Variants in KHDRBS1 observed in about 807,000 individuals in gnomAD.
KHDRBS1 encodes KH RNA binding domain containing, signal transduction associated 1.
In KHDRBS1, 7 loss-of-function variants were observed where a neutral mutation model predicts 48.4. The observed-to-expected ratio is 0.14, with a 90% CI of 0.08 to 0.27. The LOEUF is 0.27. KHDRBS1 is among the 10% of genes least tolerant of loss of function. KHDRBS1 has a pLI of 1.00. For synonymous variants in KHDRBS1, 241 were observed against 235.8 expected (o/e 1.02, Z -0.20); for missense variants, 458 against 601.2 (o/e 0.76, Z 2.49).
At chr1:32,028,899 C>T (rs968199496) in intron 1 of KHDRBS1, among the ~76,000 whole-genome samples, 2 of 151,840 alleles carry the variant, frequency 1.3e-5, no homozygotes, top group Non-Finnish European at 2.9e-5. Flanking sequence ...ATTAGAACTC[C>T]TGTTATAGTA....
chr1:32,049,202 C>A (rs1323009086), intron 10 of KHDRBS1, among the ~76,000 whole-genome samples: 2 of 151,930 alleles, frequency 1.3e-5, no homozygotes, highest in Non-Finnish European at 2.9e-5. Context: ...ATTATAGGCA[C>A]GCGCCTCCAT....
chr1:32,013,918 C>G lies in KHDRBS1; in HGVS notation c.-78C>G, dbSNP rs1489858093. 3 of 1,297,112 alleles carry G rather than the reference C, an allele frequency of 2.3e-6. No homozygotes were observed. The highest frequency in any genetic ancestry group is 1.6e-5 in the African/African-American group (1 of 64,232). The allele number at this position is 1,297,112 out of a possible 1,614,324, so 80.4% of individuals were successfully genotyped here. A position where few individuals can be genotyped will look rare whatever the true frequency, so the allele number is the denominator to read the frequency against. On this transcript the variant is annotated 5_prime_UTR_variant, in exon 1 of 9. Coordinates refer to ENST00000327300, the MANE Select transcript of KHDRBS1 (RefSeq NM_006559.3). ...TTCGGTCGCTACCGCTCCCGCTCTGCCACCCCCGCCAACCGCCGCTCGGGC... is the reference window on the plus strand; with the variant it reads ...TTCGGTCGCTACCGCTCCCGCTCTGGCACCCCCGCCAACCGCCGCTCGGGC...
chr1:32,038,569 C>G lies in KHDRBS1; in HGVS notation c.1125C>G (p.Tyr375Ter). The stretch of plus-strand genomic sequence containing the variant: ...TGTTCTAGGGATATGATGATACATA[C>G]GCAGAACAAAGTTACGAAGGCTACG... The part of the protein sequence containing the change: ...TYEEYGYDDT[Y>*]AEQSYEGYEG... The change falls in exon 7 of 9, where the codon TAC becomes TAG. Residue 375 changes from tyrosine to a stop codon, truncating the protein, a stop_gained. Transcript: ENST00000327300. LOFTEE classifies it high-confidence loss of function. The G allele has an allele frequency of 6.2e-7, 1 of 1,613,678 alleles. No individual in the cohort carries two copies.
intron 1 of KHDRBS1, among the ~76,000 whole-genome samples, chr1:32,015,324 C>T (rs562493871): frequency 2.6e-5 from 4 of 152,156 alleles, no homozygotes; most frequent in African/African-American, 7.2e-5. Flanking sequence ...GTCTGACTTT[C>T]GCTTCTAGTT....
chr1:32,016,099 A>G (rs1638734723), intron 1 of KHDRBS1, among the ~76,000 whole-genome samples: 1 of 151,812 alleles, frequency 6.6e-6, no homozygotes, highest in African/African-American at 2.4e-5. Flanking sequence ...AATCACTTGA[A>G]CCTGGGAAGC....
intron 4 of KHDRBS1, 107 bp downstream of exon 4, chr1:32,033,441 T>C (rs1002933595): frequency 1.4e-6 from 2 of 1,413,760 alleles, no homozygotes; most frequent in Non-Finnish European, 9.6e-7. Context: ...CCTGTATGTA[T>C]ACCAAATTCT....
chr1:32,039,049 C>G (rs6693251), intron 7 of KHDRBS1, among the ~76,000 whole-genome samples: 5,723 of 152,204 alleles, frequency 0.038, 348 homozygotes, highest in African/African-American at 0.13. Flanking sequence ...CATTAAAGCT[C>G]CATAAAATTT....
chr1:32,034,962 CAG>C (rs947929763), intron 4 of KHDRBS1, among the ~76,000 whole-genome samples: 2 of 146,886 alleles, frequency 1.4e-5, no homozygotes, highest in African/African-American at 2.5e-5. Flanking sequence ...GCCTGGGTGA[CAG>C]AGTGAGGCTC....
In KHDRBS1 at chr1:32,014,083, G is replaced by C; in HGVS notation, c.88G>C (p.Val30Leu). Residue 30 changes from valine (V) to leucine (L), a missense_variant, in exon 1 of 9, where the codon GTG becomes CTG. By Grantham distance (32) the Val-to-Leu change is conservative. Transcript: ENST00000327300. ...SMDPSGAHPS[V>L]RQTPSRQPPL... is the part of the protein sequence containing the mutation. ...GGACCCCTCCGGTGCCCACCCCTCG[G>C]TGCGTCAGACGCCGTCTCGGCAGCC... is the stretch of plus-strand genomic sequence containing the variant. The C allele has an allele frequency of 6.8e-7, 1 of 1,472,392 alleles. No homozygotes were observed. Among genetic ancestry groups the C allele is most frequent in the Non-Finnish European group, 8.9e-7 (1 of 1,117,334 alleles). The allele number at this position is 1,472,392 out of a possible 1,614,324, so 91.2% of individuals were successfully genotyped here.
intron 2 of KHDRBS1, 132 bp from the exon 3 acceptor site, chr1:32,031,392 A>G: frequency 1.6e-6 from 1 of 623,728 alleles, no homozygotes; most frequent in Non-Finnish European, 2.9e-6. Context: ...ATATGGCTTC[A>G]GTGTCCTTCA....
chr1:32,014,044 C>G lies in KHDRBS1; in HGVS notation c.49C>G (p.Arg17Gly). 1.3e-6 allele frequency: 2 copies of G among 1,519,884 alleles called. No individual in the cohort carries two copies. Among genetic ancestry groups the G allele is most frequent in the South Asian group, 1.2e-5 (1 of 82,220 alleles). The allele number at this position is 1,519,884 out of a possible 1,614,324, so 94.1% of individuals were successfully genotyped here. Residue 17 changes from arginine to glycine, a missense_variant, in exon 1 of 9, where the codon CGT becomes GGT. Arg to Gly is a moderately radical substitution (Grantham distance 125). Coordinates refer to ENST00000327300, the MANE Select transcript of KHDRBS1 (RefSeq NM_006559.3). ...CGCGCGCATGAGCCGGTCTTCGGGC[C>G]GTAGCGGCTCCATGGACCCCTCCGG... The part of the protein sequence containing the change: ...PAARMSRSSG[R>G]SGSMDPSGAH...
rs1166744867 is a variant in KHDRBS1 at position 32,043,695 on chromosome 1, A to G, written c.*1071A>G. 1 of 152,626 alleles carries G rather than the reference A, an allele frequency of 6.6e-6. No individual in the cohort carries two copies. The highest frequency in any genetic ancestry group is 1.5e-5 in the Non-Finnish European group (1 of 68,034). 9.5% of individuals were successfully genotyped at this position (152,626 alleles called of 1,614,324 possible). ...TAAAAAGGGACACTGCAGCTGAATG[A>G]AAAAGGAATCAAAATCCACTTTGTA... On this transcript the variant is annotated 3_prime_UTR_variant, in exon 9 of 9. Coordinates refer to ENST00000327300, the MANE Select transcript of KHDRBS1 (RefSeq NM_006559.3).
chr1:32,039,613 A>G, intron 8 of KHDRBS1, 40 bp downstream of exon 8: 3 of 1,045,236 alleles, frequency 2.9e-6, no homozygotes, highest in South Asian at 1.3e-5. Context: ...ATGTACAAGT[A>G]AGTGCCTGGG....
intron 1 of KHDRBS1, among the ~76,000 whole-genome samples, chr1:32,017,851 C>T (rs1009320964): frequency 2.0e-5 from 3 of 151,862 alleles, no homozygotes; most frequent in Non-Finnish European, 4.4e-5. Flanking sequence ...AGGTGATCCG[C>T]CTGCCTCGGC....
chr1:32,031,985 A>C (rs556099922), intron 3 of KHDRBS1, among the ~76,000 whole-genome samples: 2 of 152,348 alleles, frequency 1.3e-5, no homozygotes, highest in African/African-American at 4.8e-5. Context: ...AAGACGCTAA[A>C]ATGCAAATAG....
Position 32,030,368 on chromosome 1 carries a change from T to G in KHDRBS1, c.453T>G (p.His151Gln). The stretch of plus-strand genomic sequence containing the variant: ...AGAATTACTTGGATTTATTTTCTCA[T>G]AAGAACATGAAACTGAAAGAGCGAG... ...DEENYLDLFS[H>Q]KNMKLKERVL... The change falls in exon 2 of 9, where the codon CAT (histidine) becomes CAG (glutamine). Residue 151 changes from histidine (H) to glutamine (Q), a missense_variant. His to Gln is a conservative substitution (Grantham distance 24). Around this residue, in one of 3 missense-constraint regions of KHDRBS1, gnomAD observed 74 missense variants for 156.9 expected, o/e 0.47. Transcript: ENST00000327300. The G allele has an allele frequency of 2.5e-6, 4 of 1,612,896 alleles. No individual in the cohort carries two copies. Among genetic ancestry groups the G allele is most frequent in the Non-Finnish European group, 3.4e-6 (4 of 1,179,436 alleles).
intron 5 of KHDRBS1, among the ~76,000 whole-genome samples, chr1:32,037,336 C>G (rs565126389): frequency 6.6e-6 from 1 of 151,730 alleles, no homozygotes; most frequent in African/African-American, 2.4e-5. Flanking sequence ...CCACACTACT[C>G]AGGAGGCTGG....
At chr1:32,059,508 C>T (rs968120306) in intron 10 of KHDRBS1, among the ~76,000 whole-genome samples, 1 of 151,380 alleles carries the variant, frequency 6.6e-6, no homozygotes, top group East Asian at 1.9e-4. Flanking sequence ...CCACTGTACT[C>T]CAGTCTGAGT....
At chr1:32,036,350 T>C (rs912260731) in intron 4 of KHDRBS1, among the ~76,000 whole-genome samples, 4 of 151,986 alleles carry the variant, frequency 2.6e-5, no homozygotes, top group South Asian at 2.1e-4. Context: ...TTTGTATTTT[T>C]AGTAGAGATA....
Sources: allele counts gnomAD v4.1 joint callset (sites outside exome capture counted in the v4.1 genomes callset), GRCh38; gene constraint gnomAD v4.1.1; regional missense constraint gnomAD v4.1.1; transcripts MANE v1.5; gene names NCBI Gene and HGNC (gene_info 2026-07-23, HGNC 2026-07-21).